The following MARCHF1 variants were observed in gnomAD, a reference collection of about 807,000 sequenced individuals.
MARCHF1 encodes membrane associated ring-CH-type finger 1, also known as E3 ubiquitin-protein ligase MARCHF1.
A neutral mutation model predicts 54.2 loss-of-function variants in MARCHF1; 40 were observed. The observed-to-expected ratio is 0.74, with a 90% CI of 0.57 to 0.96. The LOEUF is 0.96. Among genes scored for constraint, MARCHF1 ranks in the 40% least tolerant of loss-of-function variants. The probability of loss-of-function intolerance (pLI) is 0.00; values close to 1 mark genes in which losing one functional copy is unlikely to be tolerated. For synonymous variants in MARCHF1, 236 were observed against 236.3 expected (o/e 1.00, Z 0.01); for missense variants, 586 against 656.5 (o/e 0.89, Z 1.17).
At chr4:164,006,841 A>C (rs2110930686) in intron 2 of MARCHF1, among the ~76,000 whole-genome samples, 1 of 152,072 alleles carries the variant, frequency 6.6e-6, no homozygotes, top group East Asian at 1.9e-4. Flanking sequence ...AAAGAAAAAG[A>C]AGCACCATCC....
intron 3 of MARCHF1, among the ~76,000 whole-genome samples, chr4:163,924,485 G>C (rs1338593884): frequency 6.6e-6 from 1 of 151,996 alleles, no homozygotes; most frequent in African/African-American, 2.4e-5. Flanking sequence ...GAAGAATATA[G>C]TAACAAAGGT....
At chr4:163,692,639 A>C (rs1374298503) in intron 5 of MARCHF1, among the ~76,000 whole-genome samples, 2 of 143,480 alleles carry the variant, frequency 1.4e-5, no homozygotes, top group African/African-American at 5.3e-5. Context: ...GAAAACCATT[A>C]GAGGTTTTGA....
chr4:163,733,238 T>TAC (rs1561047147), intron 4 of MARCHF1, among the ~76,000 whole-genome samples: 730 of 56,862 alleles, frequency 0.013, 99 homozygotes, highest in African/African-American at 0.034. Flanking sequence ...TATATATATA[T>TAC]ATACACGTGT....
At chr4:163,739,050 A>T (rs1746124526) in intron 4 of MARCHF1, among the ~76,000 whole-genome samples, 1 of 152,234 alleles carries the variant, frequency 6.6e-6, no homozygotes, top group Non-Finnish European at 1.5e-5. Flanking sequence ...CTTATGAAAG[A>T]AAGTATTCTG....
intron 5 of MARCHF1, among the ~76,000 whole-genome samples, chr4:163,652,155 G>C (rs921794561): frequency 6.6e-6 from 1 of 151,532 alleles, no homozygotes; most frequent in African/African-American, 2.4e-5. Flanking sequence ...GAGTCTCTTG[G>C]GCTTTTTTAG....
chr4:164,334,188 T>C (rs1194265758), intron 1 of MARCHF1, among the ~76,000 whole-genome samples: 1 of 152,148 alleles, frequency 6.6e-6, no homozygotes, highest in Admixed American at 6.5e-5. Flanking sequence ...TTGATGAAGG[T>C]AGCTGCACTA....
At chr4:164,044,808 G>T (rs1237204773) in intron 2 of MARCHF1, among the ~76,000 whole-genome samples, 1 of 147,062 alleles carries the variant, frequency 6.8e-6, no homozygotes, top group Non-Finnish European at 1.5e-5. Context: ...CACTATATAT[G>T]GACACTATAG....
intron 1 of MARCHF1, among the ~76,000 whole-genome samples, chr4:164,241,705 A>G (rs1157945503): frequency 2.0e-5 from 3 of 152,218 alleles, no homozygotes; most frequent in East Asian, 3.9e-4. Context: ...CTGCATTTCC[A>G]TCTGAGGTAC....
At chr4:164,107,343 G>T (rs1755728964) in intron 2 of MARCHF1, among the ~76,000 whole-genome samples, 1 of 151,970 alleles carries the variant, frequency 6.6e-6, no homozygotes, top group Non-Finnish European at 1.5e-5. Flanking sequence ...TCTAAAATAG[G>T]TTAGGGGATA....
chr4:163,536,017 C>G (rs867980788), intron 9 of MARCHF1, among the ~76,000 whole-genome samples: 31 of 152,106 alleles, frequency 2.0e-4, no homozygotes, highest in African/African-American at 7.5e-4. Flanking sequence ...TTATTCAGTT[C>G]ATAATGTCCA....
intron 2 of MARCHF1, among the ~76,000 whole-genome samples, chr4:164,021,494 A>T (rs1256072542): frequency 3.3e-5 from 5 of 152,198 alleles, no homozygotes; most frequent in African/African-American, 1.2e-4. Context: ...GAATTAAAAA[A>T]GTTAATTTCT....
At chr4:164,153,083 T>C (rs75998994) in intron 1 of MARCHF1, among the ~76,000 whole-genome samples, 29,888 of 151,194 alleles carry the variant, frequency 0.2, 4,795 homozygotes, top group African/African-American at 0.43. Context: ...GAATAAATCT[T>C]TTCAAATATT....
intron 5 of MARCHF1, among the ~76,000 whole-genome samples, chr4:163,620,393 G>A (rs2110955746): frequency 6.6e-6 from 1 of 152,190 alleles, no homozygotes; most frequent in Non-Finnish European, 1.5e-5. Context: ...ATTAAAGTTG[G>A]AAATTCTACT....
chr4:163,623,293 T>A (rs1741749914), intron 5 of MARCHF1, among the ~76,000 whole-genome samples: 1 of 152,142 alleles, frequency 6.6e-6, no homozygotes, highest in South Asian at 2.1e-4. Flanking sequence ...TACTCAGGCT[T>A]CCTAGTAAAA....
At position 164,109,437 on chromosome 4, in the gene MARCHF1, T is replaced by C. The variant is rs150909502; in HGVS notation, c.-248+2151A>G. ...TAAAAAATCATTACAAAACAAAGAA[T>C]TGGCCACCTTTTCTATAAGGTCTCT... On this transcript the variant is annotated intron_variant, in intron 2 of 9. Transcript: ENST00000514618. Among the ~76,000 whole-genome samples the C allele has an allele frequency of 5.9e-4, 89 of 152,070 alleles. 1 individual carries two copies. Among genetic ancestry groups the C allele is most frequent in the East Asian group, 2.5e-3 (13 of 5,182 alleles).
chr4:164,231,481 A>C (rs2111180737), intron 1 of MARCHF1, among the ~76,000 whole-genome samples: 1 of 152,302 alleles, frequency 6.6e-6, no homozygotes, highest in East Asian at 1.9e-4. Flanking sequence ...CTAGTGTGTA[A>C]ATTGTTCATA....
chr4:163,733,185 A>G lies in MARCHF1; in HGVS notation c.112-32322T>C, dbSNP rs1284516724. 2.6e-3 allele frequency among the ~76,000 whole-genome samples: 42 copies of G among 16,210 alleles called. 2 individuals carry two copies. Among genetic ancestry groups the G allele is most frequent in the Admixed American group, 4.3e-3 (5 of 1,164 alleles). The allele number at this position is 16,210 out of a possible 152,430, so 10.6% of individuals were successfully genotyped here. A position where few individuals can be genotyped will look rare whatever the true frequency, so the allele number is the denominator to read the frequency against. ...TCTCTCTCTGTATGTGTGTATATAT[A>G]TATATATATATATATATATATATAT... On this transcript the variant is annotated intron_variant, in intron 4 of 9. Transcript: ENST00000514618.
chr4:164,293,109 C>A (rs1734323683), intron 1 of MARCHF1, among the ~76,000 whole-genome samples: 1 of 152,038 alleles, frequency 6.6e-6, no homozygotes, highest in Non-Finnish European at 1.5e-5. Flanking sequence ...AAAACAAAAT[C>A]ATAAATTTCT....
At chr4:163,848,185 C>T (rs1481479977) in intron 4 of MARCHF1, among the ~76,000 whole-genome samples, 1 of 152,052 alleles carries the variant, frequency 6.6e-6, no homozygotes, top group Non-Finnish European at 1.5e-5. Flanking sequence ...CATACTTCTC[C>T]TTGAGAGTTT....
Sources: gnomAD v4.1 joint callset for allele counts (sites outside exome capture counted in the v4.1 genomes callset) on GRCh38, gnomAD v4.1.1 for gene constraint, MANE v1.5 for transcripts, NCBI Gene and HGNC (gene_info 2026-07-23, HGNC 2026-07-21) for gene names.